SCAF1: variants seen among roughly 807,000 people sequenced by gnomAD.
The protein encoded by SCAF1 is splicing factor, arginine/serine-rich 19.
Under a neutral mutation model 91.2 loss-of-function variants are expected in SCAF1, and 28 were observed. That is an observed-to-expected ratio of 0.31 (90% CI 0.23 to 0.42). The LOEUF (loss-of-function observed/expected upper bound fraction) is 0.42. Ranked by LOEUF, SCAF1 falls within the 10% of genes least tolerant of loss-of-function variation. The pLI, the probability that SCAF1 is intolerant of heterozygous loss-of-function variation, is 1.00. For missense variants in SCAF1, 1,893 were observed against 1,872.1 expected, an observed-to-expected ratio of 1.01 and a Z score of -0.21; for synonymous variants, 1,036 against 833.7, an observed-to-expected ratio of 1.24 and a Z score of -4.18.
chr19:49,658,036 C>A, intron 10 of SCAF1, 147 bp downstream of exon 10: 1 of 1,292,496 alleles, frequency 7.7e-7, no homozygotes. Context: ...CTCAAGGCCA[C>A]CTGGGCCTGT....
intron 1 of SCAF1, among the ~76,000 whole-genome samples, chr19:49,643,997 G>A (rs867161119): frequency 2.0e-5 from 3 of 152,338 alleles, no homozygotes; most frequent in Middle Eastern, 3.4e-3. Flanking sequence ...AGGGCTAATA[G>A]TGTCATTCCT....
rs753431761 is a variant in SCAF1, at chr19:49,651,638, G to A, written c.1249G>A (p.Ala417Thr). The part of the protein sequence containing the change: ...LSLFRPGGRA[A>T]RPTPAASATP... ...CCTCTTCCGCCCCGGCGGCCGGGCC[G>A]CCCGGCCTACACCGGCCGCCTCGGC... Residue 417 changes from alanine to threonine, a missense_variant, in exon 7 of 11, where the codon GCC becomes ACC. Around this residue, in one of 5 missense-constraint regions of SCAF1, gnomAD observed 1,436 missense variants for 1,306.8 expected, o/e 1.10. Coordinates refer to ENST00000360565, the MANE Select transcript of SCAF1 (RefSeq NM_021228.3). The A allele has an allele frequency of 1.4e-6, 2 of 1,441,678 alleles. No homozygotes were observed. The highest frequency in any genetic ancestry group is 1.4e-5 in the South Asian group (1 of 69,226). The allele number at this position is 1,441,678 out of a possible 1,614,324, so 89.3% of individuals were successfully genotyped here.
Position 49,654,424 on chromosome 19 carries a change from C to T in SCAF1, c.3392C>T (p.Thr1131Ile). The stretch of plus-strand genomic sequence containing the variant: ...AAGGCCCAGGAGCTGATCCAGGCCA[C>T]CAACCAGGTGGGCTCCCCTGGGGGA... ...RAKAQELIQA[T>I]NQILSHRKPP... is the part of the protein sequence containing the mutation. Residue 1131 changes from threonine to isoleucine, a missense_variant, in exon 8 of 11, where the codon ACC (threonine) becomes ATC (isoleucine). Physicochemically the swap from Thr to Ile is moderately conservative, Grantham distance 89. Coordinates refer to ENST00000360565, the MANE Select transcript of SCAF1 (RefSeq NM_021228.3). The T allele has an allele frequency of 6.2e-7, 1 of 1,613,414 alleles. No individual in the cohort carries two copies. The highest frequency in any genetic ancestry group is 8.5e-7 in the Non-Finnish European group (1 of 1,179,908).
In SCAF1 at chr19:49,646,155, C is replaced by A; in HGVS notation, c.214C>A (p.Arg72=). ...TCGATGGCGGCGCTGCCGGAGTCCACGGTCAGAGCCCCGTTCCCAGGAATC... is the reference window on the plus strand; with the variant it reads ...TCGATGGCGGCGCTGCCGGAGTCCAAGGTCAGAGCCCCGTTCCCAGGAATC... ...GLRWRRCRSP[R]SEPRSQESGG... The change falls in exon 4 of 11, where the codon CGG becomes AGG. Residue 72 remains arginine, a synonymous_variant. Transcript: ENST00000360565. The surrounding 1 kb of genome is among the most constrained non-coding windows in gnomAD (Gnocchi z 5.6). 1 of 1,611,252 alleles carries A rather than the reference C, an allele frequency of 6.2e-7. No homozygotes were observed. The highest frequency in any genetic ancestry group is 8.5e-7 in the Non-Finnish European group (1 of 1,179,902).
Position 49,651,786 on chromosome 19 carries a change from C to A in SCAF1, c.1397C>A (p.Pro466Gln). The change falls in exon 7 of 11, where the codon CCG becomes CAG. Residue 466 changes from proline to glutamine, a missense_variant. Pro to Gln is a moderately conservative substitution (Grantham distance 76, BLOSUM62 -1). Transcript: ENST00000360565. Reference protein sequence around the residue: ...EGALQVDLGEPAPAPPAADSR... With the variant: ...EGALQVDLGEQAPAPPAADSR... The stretch of plus-strand genomic sequence containing the variant: ...GCCCTGCAGGTGGACCTAGGGGAGC[C>A]GGCTCCCGCGCCGCCCGCCGCCGAC... 7.8e-7 allele frequency: 1 copy of A among 1,277,886 alleles called. No homozygotes were observed. Among genetic ancestry groups the A allele is most frequent in the Non-Finnish European group, 9.9e-7 (1 of 1,013,424 alleles). 79.2% of individuals were successfully genotyped at this position (1,277,886 alleles called of 1,614,324 possible). A position where few individuals can be genotyped will look rare whatever the true frequency, so the allele number is the denominator to read the frequency against.
In SCAF1 at chr19:49,654,442, C is replaced by A. The variant is rs768376235; in HGVS notation, c.3399+11C>A. On this transcript the variant is annotated intron_variant, in intron 8 of 10. Transcript: ENST00000360565. ...CAGGCCACCAACCAGGTGGGCTCCC[C>A]TGGGGGAGAGTCCCTGCCGCCCCTT... 1.4e-5 allele frequency: 23 copies of A among 1,611,826 alleles called. No homozygotes were observed. In the East Asian group the frequency reaches 4.9e-4, roughly 34 times the overall value.
upstream of SCAF1, among the ~76,000 whole-genome samples, chr19:49,641,360 A>T (rs554583410): frequency 6.6e-5 from 10 of 152,298 alleles, no homozygotes; most frequent in East Asian, 1.9e-4. Flanking sequence ...CTTGTAGCCC[A>T]TGCTGGAGTG....
At chr19:49,654,202 C>T (rs1183487497) in intron 7 of SCAF1, 147 bp from the exon 8 acceptor site, 10 of 667,062 alleles carry the variant, frequency 1.5e-5, no homozygotes, top group East Asian at 2.7e-5. Flanking sequence ...TTGGCCAAGG[C>T]CCCCTTTTCC....
chr19:49,642,886 A>G lies in SCAF1; in HGVS notation c.-7+644A>G, dbSNP rs1474782238. ...GGAAGGGCGCCAAATATTGAGATGT[A>G]CTGAGGGTCTGGGGTCTCCAAGGTA... On this transcript the variant is annotated intron_variant, in intron 1 of 10. Transcript: ENST00000360565. This position sits in a 1 kb window ranked among gnomAD's most constrained non-coding sequence, Gnocchi z 4.0. 6.6e-6 allele frequency among the ~76,000 whole-genome samples: 1 copy of G among 152,158 alleles called. No homozygotes were observed. The highest frequency in any genetic ancestry group is 1.9e-4 in the East Asian group (1 of 5,198).
At chr19:49,657,472 C>T (rs992366370) in intron 9 of SCAF1, among the ~76,000 whole-genome samples, 5 of 152,254 alleles carry the variant, frequency 3.3e-5, no homozygotes, top group Admixed American at 3.3e-4. Context: ...TCAGACTGAA[C>T]TTTGTGAGGG....
chr19:49,651,429 C>T lies in SCAF1; in HGVS notation c.1040C>T (p.Ala347Val). 1 of 1,602,072 alleles carries T rather than the reference C, an allele frequency of 6.2e-7. No homozygotes were observed. ...PQVDSTRADGAMRRRVFVVGT... is the reference protein window; with the variant it reads ...PQVDSTRADGVMRRRVFVVGT... ...GTGGACTCCACCCGGGCTGATGGAG[C>T]CATGCGCCGGCGGGTCTTCGTGGTG... is the stretch of plus-strand genomic sequence containing the variant. Residue 347 changes from alanine (A) to valine (V), a missense_variant, in exon 7 of 11, where the codon GCC (alanine) becomes GTC (valine). By Grantham distance (64) the Ala-to-Val change is moderately conservative. This residue lies in a region of SCAF1 where 1,436 missense variants were observed against 1,306.8 expected (regional missense o/e 1.10). Coordinates refer to ENST00000360565, the MANE Select transcript of SCAF1 (RefSeq NM_021228.3).
At position 49,646,759 on chromosome 19, in the gene SCAF1, A is replaced by G. The variant is rs1222758259; in HGVS notation, c.407A>G (p.Asp136Gly). 3 of 1,613,870 alleles carry G rather than the reference A, an allele frequency of 1.9e-6. No homozygotes were observed. In the East Asian group the frequency reaches 6.7e-5, roughly 36 times the overall value. ...CTGGTGGCTGAGGTCCGAATCGGGG[A>G]CAGAGATCCCATCCCTCTGCCTGTG... is the stretch of plus-strand genomic sequence containing the variant. ...LELVAEVRIG[D>G]RDPIPLPVPS... The change falls in exon 6 of 11, where the codon GAC becomes GGC. Residue 136 changes from aspartate (D) to glycine (G), a missense_variant. Coordinates refer to ENST00000360565, the MANE Select transcript of SCAF1 (RefSeq NM_021228.3). The surrounding 1 kb of genome is among the most constrained non-coding windows in gnomAD (Gnocchi z 5.6).
Position 49,651,492 on chromosome 19 carries a change from C to T in SCAF1, c.1103C>T (p.Ser368Leu). The change falls in exon 7 of 11, where the codon TCG (serine) becomes TTG (leucine). Residue 368 changes from serine to leucine, a missense_variant. Physicochemically the swap from Ser to Leu is moderately radical, Grantham distance 145. Around this residue, in one of 5 missense-constraint regions of SCAF1, gnomAD observed 1,436 missense variants for 1,306.8 expected, o/e 1.10. Transcript: ENST00000360565. ...GAGGCTTGTCGGGAAGGCAAGGTCT[C>T]GGTGGAGGTGGTGACCGCTGGTGGA... ...EAEACREGKV[S>L]VEVVTAGGAA... 6.3e-7 allele frequency: 1 copy of T among 1,578,470 alleles called. No individual in the cohort carries two copies. Among genetic ancestry groups the T allele is most frequent in the Non-Finnish European group, 8.6e-7 (1 of 1,164,522 alleles).
rs1389613245 is a variant in SCAF1, at chr19:49,651,585, C to T, written c.1196C>T (p.Pro399Leu). 1.7e-5 allele frequency: 26 copies of T among 1,542,668 alleles called. No homozygotes were observed. In the South Asian group the frequency reaches 2.4e-4, roughly 14 times the overall value. ...SEIEEGEIVQ[P>L]EEEPRLALSL... ...ATCGAGGAAGGGGAGATCGTCCAGC[C>T]GGAGGAGGAGCCCAGGCTGGCGCTG... The change falls in exon 7 of 11, where the codon CCG becomes CTG. Residue 399 changes from proline to leucine, a missense_variant. Pro to Leu is a moderately conservative substitution (Grantham distance 98). This residue lies in a region of SCAF1 where 1,436 missense variants were observed against 1,306.8 expected (regional missense o/e 1.10). Transcript: ENST00000360565.
In SCAF1 at chr19:49,653,734, T is replaced by G. The variant is rs375202319; in HGVS notation, c.3316+29T>G. 1.3e-4 allele frequency: 196 copies of G among 1,482,852 alleles called. No homozygotes were observed. In the African/African-American group the frequency reaches 2.5e-3, roughly 19 times the overall value. 91.9% of individuals were successfully genotyped at this position (1,482,852 alleles called of 1,614,324 possible). A position where few individuals can be genotyped will look rare whatever the true frequency, so the allele number is the denominator to read the frequency against. Reference sequence around the variant, plus strand: ...AGTGTCCCCTGGGGGAGGGTGGTGCTGGGGCAGGTGAGACAGGATGGGGAC... The same window carrying G: ...AGTGTCCCCTGGGGGAGGGTGGTGCGGGGGCAGGTGAGACAGGATGGGGAC... On this transcript the variant is annotated intron_variant, in intron 7 of 10. Coordinates refer to ENST00000360565, the MANE Select transcript of SCAF1 (RefSeq NM_021228.3).
At chr19:49,654,631 C>T (rs554455383) in intron 8 of SCAF1, 21 bp from the exon 9 acceptor site, 3 of 1,582,754 alleles carry the variant, frequency 1.9e-6, no homozygotes, top group East Asian at 2.2e-5. Flanking sequence ...TACTCATCAC[C>T]CCTCTGTCCT....
Position 49,642,213 on chromosome 19 carries a change from CG to C in SCAF1, c.-32del, listed in dbSNP as rs974816686. On this transcript the variant is annotated 5_prime_UTR_variant, in exon 1 of 11. Transcript: ENST00000360565. This position sits in a 1 kb window ranked among gnomAD's most constrained non-coding sequence, Gnocchi z 4.0. ...CGCCCCAGCCCGCCCCGCCCCGCGC[CG>C]GGGCCGGAGCCGCAGCCCGAGCGGC... The C allele has an allele frequency of 3.9e-5, 6 of 152,170 alleles. No homozygotes were observed. Among genetic ancestry groups the C allele is most frequent in the African/African-American group, 1.4e-4 (6 of 41,456 alleles). The allele number at this position is 152,170 out of a possible 1,614,324, so 9.4% of individuals were successfully genotyped here.
At position 49,654,682 on chromosome 19, in the gene SCAF1, CTG is replaced by C. The variant is rs1438730730; in HGVS notation, c.3431_3432del (p.Leu1144ArgfsTer46). On this transcript the variant is annotated frameshift_variant, in exon 9 of 11. Transcript: ENST00000360565. LOFTEE classifies it high-confidence loss of function. ...ILSHRKPPSS[L>X]GMTPAPVPTS... ...CAGCCACAGAAAGCCACCCTCAAGT[CTG>C]GGGATGACCCCAGCTCCTGTGCCCA... is the stretch of plus-strand genomic sequence containing the variant. 6.2e-7 allele frequency: 1 copy of C among 1,613,702 alleles called. No homozygotes were observed. The highest frequency in any genetic ancestry group is 8.5e-7 in the Non-Finnish European group (1 of 1,179,774).
Position 49,646,270 on chromosome 19 carries a change from T to A in SCAF1, c.261+68T>A. On this transcript the variant is annotated intron_variant, in intron 4 of 10. Transcript: ENST00000360565. The surrounding 1 kb of genome is among the most constrained non-coding windows in gnomAD (Gnocchi z 5.6). Reference sequence around the variant, plus strand: ...AGGGAGGAAGGGATGGGGGCCTGAGTCTGGGGGAATGGGGTTTGGGGACCT... The same window carrying A: ...AGGGAGGAAGGGATGGGGGCCTGAGACTGGGGGAATGGGGTTTGGGGACCT... 8 of 958,536 alleles carry A rather than the reference T, an allele frequency of 8.3e-6. No homozygotes were observed. The highest frequency in any genetic ancestry group is 1.7e-5 in the African/African-American group (1 of 57,944). 59.4% of individuals were successfully genotyped at this position (958,536 alleles called of 1,614,324 possible).
Sources: gnomAD v4.1 joint callset for allele counts (sites outside exome capture counted in the v4.1 genomes callset) on GRCh38, gnomAD v4.1.1 for gene constraint, gnomAD v4.1.1 regional missense constraint, Gnocchi (gnomAD v3.1) non-coding constraint, MANE v1.5 for transcripts, NCBI Gene and HGNC (gene_info 2026-07-23, HGNC 2026-07-21) for gene names.